OTOA: variants seen among roughly 807,000 people sequenced by gnomAD.
The protein encoded by OTOA is cancer/testis antigen 108.
A neutral mutation model predicts 110.8 loss-of-function variants in OTOA; 70 were observed. That is an observed-to-expected ratio of 0.63 (90% CI 0.52 to 0.77). The LOEUF (loss-of-function observed/expected upper bound fraction) is 0.77, where lower values mean the gene tolerates loss of function less well. Ranked by LOEUF, OTOA falls within the 30% of genes least tolerant of loss-of-function variation. The probability of loss-of-function intolerance (pLI) is 0.00; values close to 1 mark genes in which losing one functional copy is unlikely to be tolerated. For synonymous variants in OTOA, 373 were observed against 431.5 expected, an observed-to-expected ratio of 0.86 and a Z score of 1.68; for missense variants, 917 against 1,075.8, an observed-to-expected ratio of 0.85 and a Z score of 2.06.
In OTOA at chr16:21,691,620, G is replaced by A. The variant is rs375972309; in HGVS notation, c.672G>A (p.Ser224=). 4.5e-5 allele frequency: 73 copies of A among 1,613,696 alleles called. 2 individuals are homozygous for A. In the Admixed American group the frequency reaches 7.8e-4, roughly 17 times the overall value. ...TCAAAGATCTCTACGACAAAACCTC[G>A]GCTCATTCCCAGAGAGCTCTCTATT... ...AVFKDLYDKT[S]AHSQRALYSW... is the part of the protein sequence containing the mutation. Residue 224 remains serine (S), a synonymous_variant, in exon 9 of 29, where the codon TCG becomes TCA. Coordinates refer to ENST00000646100, the MANE Select transcript of OTOA (RefSeq NM_144672.4).
In OTOA at chr16:21,717,041, G is replaced by C; in HGVS notation, c.1623G>C (p.Arg541Ser). The change falls in exon 15 of 29, where the codon AGG (arginine) becomes AGC (serine). Residue 541 changes from arginine (R) to serine (S), a missense_variant. Coordinates refer to ENST00000646100, the MANE Select transcript of OTOA (RefSeq NM_144672.4). Reference sequence around the variant, plus strand: ...TCCTGAAGGATAAGGAACTTGGAAGGAGCCAGGTATTACCATGAAACACAG... The same window carrying C: ...TCCTGAAGGATAAGGAACTTGGAAGCAGCCAGGTATTACCATGAAACACAG... ...STVLKDKELG[R>S]SQALFLYELL... 6.2e-7 allele frequency: 1 copy of C among 1,614,082 alleles called. No homozygotes were observed. The highest frequency in any genetic ancestry group is 8.5e-7 in the Non-Finnish European group (1 of 1,180,014).
chr16:21,736,939 A>G (rs1174414844), intron 22 of OTOA, among the ~76,000 whole-genome samples: 1 of 152,312 alleles, frequency 6.6e-6, no homozygotes, highest in Non-Finnish European at 1.5e-5. Context: ...TTTCAGTAGG[A>G]TTGACTTAGA....
At chr16:21,726,314 G>A (rs1456701701) in intron 18 of OTOA, among the ~76,000 whole-genome samples, 2 of 152,028 alleles carry the variant, frequency 1.3e-5, no homozygotes, top group African/African-American at 2.4e-5. Context: ...TGGAAGAGGA[G>A]CATGATGGGA....
At chr16:21,759,763 T>C (rs1567412088) in intron 28 of OTOA, among the ~76,000 whole-genome samples, 1 of 151,912 alleles carries the variant, frequency 6.6e-6, no homozygotes, top group Non-Finnish European at 1.5e-5. Context: ...TAGCCAGGTG[T>C]GGTGGCACAT....
Position 21,709,975 on chromosome 16 carries a change from A to C in OTOA, c.1192A>C (p.Thr398Pro). ...GSLSDAVVGL[T>P]YSQLESLSPE... Reference sequence around the variant, plus strand: ...TTTGTCGGATGCAGTTGTAGGTTTGACCTACAGCCAACTGGAATCCCTCTC... The same window carrying C: ...TTTGTCGGATGCAGTTGTAGGTTTGCCCTACAGCCAACTGGAATCCCTCTC... Residue 398 changes from threonine to proline, a missense_variant, in exon 13 of 29, where the codon ACC becomes CCC. By Grantham distance (38) the Thr-to-Pro change is conservative (BLOSUM62 -1). Around this residue, in one of 6 missense-constraint regions of OTOA, gnomAD observed 840 missense variants for 910.2 expected, o/e 0.92. Transcript: ENST00000646100. 1 of 1,613,750 alleles carries C rather than the reference A, an allele frequency of 6.2e-7. No individual in the cohort carries two copies. Among genetic ancestry groups the C allele is most frequent in the Non-Finnish European group, 8.5e-7 (1 of 1,179,866 alleles).
At chr16:21,697,707 A>G in intron 9 of OTOA, 68 bp from the exon 10 acceptor site, 1 of 1,349,768 alleles carries the variant, frequency 7.4e-7, no homozygotes, top group Non-Finnish European at 1.1e-6. Context: ...GCTGTTGACT[A>G]TCACATACCA....
At chr16:21,702,122 G>C (rs949350522) in intron 11 of OTOA, among the ~76,000 whole-genome samples, 1 of 151,798 alleles carries the variant, frequency 6.6e-6, no homozygotes, top group Non-Finnish European at 1.5e-5. Flanking sequence ...GCTAATTTTT[G>C]TATTTTTAGT....
chr16:21,683,189 G>C (rs1220464353), intron 6 of OTOA, among the ~76,000 whole-genome samples: 1 of 152,162 alleles, frequency 6.6e-6, no homozygotes, highest in African/African-American at 2.4e-5. Flanking sequence ...CATTTTAGGG[G>C]TGAGGCTTTA....
chr16:21,699,689 C>T (rs1222371825), intron 10 of OTOA, among the ~76,000 whole-genome samples: 1 of 152,058 alleles, frequency 6.6e-6, no homozygotes, highest in Non-Finnish European at 1.5e-5. Flanking sequence ...GAGGCTGAGG[C>T]GGGTGGATCA....
chr16:21,681,438 C>G (rs558759408), intron 5 of OTOA, among the ~76,000 whole-genome samples: 3 of 152,166 alleles, frequency 2.0e-5, no homozygotes, highest in East Asian at 3.9e-4. Context: ...AAAAAATTAG[C>G]TGGGTGTTGT....
At chr16:21,714,238 TC>T (rs1567383945) in intron 13 of OTOA, among the ~76,000 whole-genome samples, 13 of 134,806 alleles carry the variant, frequency 9.6e-5, no homozygotes, top group African/African-American at 3.1e-4. Context: ...TTTCTTTCTT[TC>T]CTTTCTTTCT....
chr16:21,683,326 G>A (rs1221117038), intron 6 of OTOA, among the ~76,000 whole-genome samples: 1 of 152,186 alleles, frequency 6.6e-6, no homozygotes, highest in Non-Finnish European at 1.5e-5. Flanking sequence ...TATGTGGTAA[G>A]TCCTTTTATT....
intron 18 of OTOA, among the ~76,000 whole-genome samples, chr16:21,723,263 C>T (rs998311418): frequency 6.6e-6 from 1 of 152,142 alleles, no homozygotes; most frequent in Non-Finnish European, 1.5e-5. Context: ...GGCTTTGCGG[C>T]TGTGCCAGGC....
At chr16:21,685,925 G>C (rs1897703512) in intron 7 of OTOA, among the ~76,000 whole-genome samples, 1 of 152,038 alleles carries the variant, frequency 6.6e-6, no homozygotes, top group Admixed American at 6.6e-5. Flanking sequence ...CTGGTTGTTT[G>C]GGTCAATAAA....
intron 7 of OTOA, among the ~76,000 whole-genome samples, chr16:21,686,489 C>T (rs1897714219): frequency 6.6e-6 from 1 of 151,934 alleles, no homozygotes; most frequent in South Asian, 2.1e-4. Context: ...GACGGGGTCT[C>T]CCTGTGTTGC....
chr16:21,686,714 C>A (rs1037040853), intron 7 of OTOA, among the ~76,000 whole-genome samples: 6 of 152,020 alleles, frequency 3.9e-5, no homozygotes, highest in African/African-American at 1.4e-4. Context: ...CCAGCCTGGA[C>A]AACATGGCAA....
chr16:21,717,076 G>A, intron 15 of OTOA, 29 bp downstream of exon 15: 2 of 1,613,326 alleles, frequency 1.2e-6, no homozygotes, highest in Non-Finnish European at 1.7e-6. Context: ...GATCGATCCT[G>A]TATTTCTGAC....
intron 13 of OTOA, among the ~76,000 whole-genome samples, chr16:21,714,342 T>A (rs1308808125): frequency 1.5e-5 from 2 of 132,874 alleles, no homozygotes; most frequent in African/African-American, 5.1e-5. Context: ...CCTTTCTTTC[T>A]TTCTTTCTTT....
At chr16:21,715,616 A>C (rs1013841373) in intron 14 of OTOA, among the ~76,000 whole-genome samples, 1 of 151,560 alleles carries the variant, frequency 6.6e-6, no homozygotes, top group Non-Finnish European at 1.5e-5. Context: ...CTTTTTGTAG[A>C]GACATGGTCT....
Sources: gnomAD v4.1 joint callset for allele counts (sites outside exome capture counted in the v4.1 genomes callset) on GRCh38, gnomAD v4.1.1 for gene constraint, gnomAD v4.1.1 regional missense constraint, MANE v1.5 for transcripts, NCBI Gene and HGNC (gene_info 2026-07-23, HGNC 2026-07-21) for gene names.